Variants in PEPD observed in about 807,000 individuals in gnomAD.
The protein encoded by PEPD is xaa-Pro dipeptidase.
Under a neutral mutation model 60.7 loss-of-function variants are expected in PEPD, and 53 were observed. The observed-to-expected ratio is 0.87, with a 90% CI of 0.70 to 1.10. PEPD has a LOEUF of 1.10. Among genes scored for constraint, PEPD ranks in the 50% least tolerant of loss-of-function variants. PEPD has a pLI of 0.00. For missense variants in PEPD, 711 were observed against 711.9 expected (o/e 1.00, Z 0.01); for synonymous variants, 267 against 284.1 (o/e 0.94, Z 0.60).
intron 11 of PEPD, among the ~76,000 whole-genome samples, chr19:33,407,976 G>A (rs954781653): frequency 6.6e-6 from 1 of 152,230 alleles, no homozygotes; most frequent in Non-Finnish European, 1.5e-5. Context: ...CAGGAAGTCT[G>A]TCTCAGTCCT....
intron 12 of PEPD, among the ~76,000 whole-genome samples, chr19:33,393,333 C>T (rs1020564762): frequency 8.0e-5 from 12 of 150,942 alleles, no homozygotes; most frequent in Non-Finnish European, 1.2e-4. Context: ...CCGGGCAGAC[C>T]TGGGGCAACT....
intron 6 of PEPD, 112 bp from the exon 7 acceptor site, chr19:33,478,202 T>C: frequency 1.3e-6 from 1 of 765,926 alleles, no homozygotes; most frequent in Non-Finnish European, 2.3e-6. Flanking sequence ...GTCCCACACT[T>C]TAATTTCATG....
chr19:33,399,360 C>T (rs572377359), intron 12 of PEPD, among the ~76,000 whole-genome samples: 11 of 152,336 alleles, frequency 7.2e-5, no homozygotes, highest in Admixed American at 2.6e-4. Flanking sequence ...GTCCGATCAG[C>T]GCTGTCACCC....
intron 5 of PEPD, 100 bp downstream of exon 5, chr19:33,493,190 A>T: frequency 1.2e-6 from 1 of 854,814 alleles, no homozygotes; most frequent in Non-Finnish European, 2.0e-6. Context: ...TCCGTTTTTT[A>T]ATCCTCCCCT....
At chr19:33,465,998 T>C (rs957542568) in intron 7 of PEPD, among the ~76,000 whole-genome samples, 1 of 152,088 alleles carries the variant, frequency 6.6e-6, no homozygotes, top group Non-Finnish European at 1.5e-5. Context: ...AAGGAGGTGA[T>C]ATAATGGGAT....
chr19:33,427,987 C>T (rs941766850), intron 9 of PEPD, among the ~76,000 whole-genome samples: 13 of 151,988 alleles, frequency 8.6e-5, no homozygotes, highest in Admixed American at 7.2e-4. Flanking sequence ...GCAATCTGAT[C>T]ATGGCAAAGC....
intron 10 of PEPD, among the ~76,000 whole-genome samples, chr19:33,412,142 G>A (rs778676627): frequency 3.3e-5 from 5 of 152,204 alleles, no homozygotes; most frequent in African/African-American, 7.2e-5. Flanking sequence ...CCACAAGTTC[G>A]AGACCAGCCT....
chr19:33,413,764 T>G lies in PEPD; in HGVS notation c.672-121A>C, dbSNP rs1299597326. The G allele has an allele frequency of 5.9e-6, 4 of 682,612 alleles. No homozygotes were observed. In the East Asian group the frequency reaches 1.1e-4, roughly 19 times the overall value. 42.3% of individuals were successfully genotyped at this position (682,612 alleles called of 1,614,324 possible). Reference sequence around the variant, plus strand: ...GGTCTCCCCTGCCGTGGCCCCACAATGGTCCAAACTCTCAGTGTGAGTCTG... The same window carrying G: ...GGTCTCCCCTGCCGTGGCCCCACAAGGGTCCAAACTCTCAGTGTGAGTCTG... On this transcript the variant is annotated intron_variant, in intron 9 of 14. Coordinates refer to ENST00000244137, the MANE Select transcript of PEPD (RefSeq NM_000285.4).
intron 11 of PEPD, among the ~76,000 whole-genome samples, chr19:33,402,542 C>G (rs950971742): frequency 1.4e-4 from 22 of 152,328 alleles, no homozygotes; most frequent in Middle Eastern, 3.4e-3. Context: ...ACCCCTCTGC[C>G]CATGGGGATG....
Position 33,399,087 on chromosome 19 carries a change from G to A in PEPD, c.967+2634C>T, listed in dbSNP as rs147897105. Among the ~76,000 whole-genome samples the A allele has an allele frequency of 2.8e-3, 425 of 152,242 alleles. 3 individuals carry two copies. Among genetic ancestry groups the A allele is most frequent in the African/African-American group, 9.7e-3 (405 of 41,552 alleles). On this transcript the variant is annotated intron_variant, in intron 12 of 14. Transcript: ENST00000244137. ...CAACCTCCGCCTCCTAGGTTCAAGC[G>A]ATTCGATTCTCGTGCCTTGGCCTCC...
chr19:33,414,113 G>C (rs1321748125), intron 9 of PEPD, among the ~76,000 whole-genome samples: 1 of 152,218 alleles, frequency 6.6e-6, no homozygotes, highest in Non-Finnish European at 1.5e-5. Flanking sequence ...CTCACCCGGG[G>C]AGAGGGCACA....
intron 9 of PEPD, among the ~76,000 whole-genome samples, chr19:33,442,256 C>T (rs140653903): frequency 0.011 from 1,689 of 152,058 alleles, 25 homozygotes; most frequent in South Asian, 0.071. Context: ...AAAAATTAGC[C>T]GGGCATGGTG....
intron 7 of PEPD, among the ~76,000 whole-genome samples, chr19:33,473,946 C>G (rs947942044): frequency 2.0e-5 from 3 of 152,202 alleles, no homozygotes; most frequent in African/African-American, 7.2e-5. Context: ...AAATGAATGA[C>G]AGCCGAACAA....
Position 33,401,823 on chromosome 19 carries a change from T to C in PEPD, c.865A>G (p.Thr289Ala). The C allele has an allele frequency of 6.2e-7, 1 of 1,613,024 alleles. No individual in the cohort carries two copies. The highest frequency in any genetic ancestry group is 8.5e-7 in the Non-Finnish European group (1 of 1,179,896). Residue 289 changes from threonine (T) to alanine (A), a missense_variant, in exon 12 of 15, where the codon ACC (threonine) becomes GCC (alanine). Coordinates refer to ENST00000244137, the MANE Select transcript of PEPD (RefSeq NM_000285.4). ...GEYYCFASDI[T>A]CSFPANGKFT... is the part of the protein sequence containing the mutation. Reference sequence around the variant, plus strand: ...TTGCCGTTGGCGGGAAAGGAGCAGGTGATGTCGGAAGCGAAGCAGTAATAC... The same window carrying C: ...TTGCCGTTGGCGGGAAAGGAGCAGGCGATGTCGGAAGCGAAGCAGTAATAC...
chr19:33,386,966 C>G lies in PEPD; in HGVS notation c.*378G>C, dbSNP rs185823037. 271 of 270,068 alleles carry G rather than the reference C, an allele frequency of 1.0e-3. 4 individuals are homozygous for G. The Admixed American group carries it at 0.013, about 13-fold the overall frequency. The allele number at this position is 270,068 out of a possible 1,614,324, so 16.7% of individuals were successfully genotyped here. The stretch of plus-strand genomic sequence containing the variant: ...CGCACAAAGGACCATTTTAGGAAAC[C>G]TTTTATTGCAAATGCCATTCTGCAT... On this transcript the variant is annotated 3_prime_UTR_variant, in exon 15 of 15. Coordinates refer to ENST00000244137, the MANE Select transcript of PEPD (RefSeq NM_000285.4).
chr19:33,468,685 G>A (rs563796847), intron 7 of PEPD, among the ~76,000 whole-genome samples: 12 of 152,316 alleles, frequency 7.9e-5, no homozygotes, highest in South Asian at 2.1e-4. Flanking sequence ...GAAACGAGGC[G>A]GGCACCCTGC....
intron 2 of PEPD, chr19:33,511,515 G>A (rs1970926732): frequency 8.6e-6 from 3 of 348,992 alleles, no homozygotes; most frequent in Non-Finnish European, 1.1e-5. Flanking sequence ...GACGCCCCCC[G>A]GATTCTGACG....
intron 13 of PEPD, among the ~76,000 whole-genome samples, chr19:33,389,962 G>C (rs1288959395): frequency 1.3e-5 from 2 of 152,244 alleles, no homozygotes; most frequent in Non-Finnish European, 2.9e-5. Flanking sequence ...AGCCCCTGTG[G>C]CCCAGGAAGC....
At chr19:33,416,631 G>A (rs893793311) in intron 9 of PEPD, among the ~76,000 whole-genome samples, 2 of 152,200 alleles carry the variant, frequency 1.3e-5, no homozygotes, top group African/African-American at 4.8e-5. Context: ...CTTCCTGATT[G>A]GCTGAGAGGA....
Sources: allele counts gnomAD v4.1 joint callset (sites outside exome capture counted in the v4.1 genomes callset), GRCh38; gene constraint gnomAD v4.1.1; transcripts MANE v1.5; gene names NCBI Gene and HGNC (gene_info 2026-07-23, HGNC 2026-07-21).